Variants in CDIN1 observed in about 807,000 individuals in gnomAD.
CDIN1 encodes CDAN1 interacting nuclease 1, also known as CDAN1-interacting nuclease 1.
A neutral mutation model predicts 45.3 loss-of-function variants in CDIN1; 33 were observed. That is an observed-to-expected ratio of 0.73 (90% confidence interval 0.55 to 0.97). The LOEUF (loss-of-function observed/expected upper bound fraction) is 0.97, where lower values mean the gene tolerates loss of function less well. CDIN1 is among the 50% of genes least tolerant of loss of function. The probability of loss-of-function intolerance (pLI) is 0.00; values close to 1 mark genes in which losing one functional copy is unlikely to be tolerated. For missense variants in CDIN1, 303 were observed against 339.4 expected (o/e 0.89, Z 0.84); for synonymous variants, 118 against 124.4 (o/e 0.95, Z 0.34).
intron 1 of CDIN1, among the ~76,000 whole-genome samples, chr15:36,583,544 T>TC (rs1329877065): frequency 9.2e-5 from 14 of 152,236 alleles, no homozygotes; most frequent in Non-Finnish European, 1.9e-4. Flanking sequence ...CTATTTTCGT[T>TC]TCTACAGTTT....
At chr15:36,800,935 A>G (rs1235453878) in intron 10 of CDIN1, among the ~76,000 whole-genome samples, 1 of 125,676 alleles carries the variant, frequency 8.0e-6, no homozygotes, top group Non-Finnish European at 1.7e-5. Context: ...ATATATATAT[A>G]TATATATATG....
At chr15:36,616,313 G>A (rs1203551831) in intron 1 of CDIN1, among the ~76,000 whole-genome samples, 3 of 147,532 alleles carry the variant, frequency 2.0e-5, no homozygotes, top group Non-Finnish European at 4.5e-5. Context: ...ACAGACTTTC[G>A]CTCTTGTTGC....
chr15:36,586,493 G>C (rs2037307000), intron 1 of CDIN1, among the ~76,000 whole-genome samples: 1 of 152,132 alleles, frequency 6.6e-6, no homozygotes, highest in Non-Finnish European at 1.5e-5. Flanking sequence ...GGTATTTGTA[G>C]AGTTTTTCAC....
At chr15:36,608,521 A>C (rs553770658) in intron 1 of CDIN1, among the ~76,000 whole-genome samples, 1 of 152,132 alleles carries the variant, frequency 6.6e-6, no homozygotes, top group East Asian at 1.9e-4. Context: ...TTGGTTTGTC[A>C]TTTTATTATT....
intron 8 of CDIN1, chr15:36,708,560 T>C (rs1305920096): frequency 6.6e-6 from 1 of 151,694 alleles, no homozygotes; most frequent in Non-Finnish European, 1.5e-5. Flanking sequence ...TAATAGATCA[T>C]TGATATTTAC....
chr15:36,687,190 A>C (rs371034747), intron 5 of CDIN1, among the ~76,000 whole-genome samples: 19 of 152,146 alleles, frequency 1.2e-4, no homozygotes, highest in African/African-American at 4.1e-4. Context: ...AGAAAATAAG[A>C]GAGTAAAAAT....
At chr15:36,614,157 C>T in intron 1 of CDIN1, 1 of 707,314 alleles carries the variant, frequency 1.4e-6, no homozygotes, top group Admixed American at 1.8e-5. Context: ...ATTCTGTACA[C>T]AGAGGTTGCT....
At chr15:36,644,994 G>A (rs1311383166) in intron 2 of CDIN1, among the ~76,000 whole-genome samples, 2 of 152,070 alleles carry the variant, frequency 1.3e-5, no homozygotes, top group East Asian at 1.9e-4. Context: ...CATATATACC[G>A]TACCTTGTGG....
chr15:36,800,971 AAGG>A (rs1156569669), intron 10 of CDIN1, among the ~76,000 whole-genome samples: 1 of 114,316 alleles, frequency 8.7e-6, no homozygotes, highest in Non-Finnish European at 1.8e-5. Flanking sequence ...TGTTTTAGAG[AAGG>A]AGTTTATTTC....
chr15:36,760,515 A>C (rs58025593), intron 10 of CDIN1, among the ~76,000 whole-genome samples: 23,425 of 152,212 alleles, frequency 0.15, 2,099 homozygotes, highest in African/African-American at 0.24. Flanking sequence ...TCCAGTTCTT[A>C]GGAACTTTTA....
At chr15:36,701,434 G>T (rs2042640968) in intron 8 of CDIN1, among the ~76,000 whole-genome samples, 1 of 151,880 alleles carries the variant, frequency 6.6e-6, no homozygotes, top group Admixed American at 6.6e-5. Flanking sequence ...AGCAGCTTTG[G>T]ACAAAAAGAC....
At chr15:36,718,387 A>G (rs1336684136) in intron 10 of CDIN1, among the ~76,000 whole-genome samples, 45 of 152,252 alleles carry the variant, frequency 3.0e-4, no homozygotes, top group Non-Finnish European at 4.4e-5. Context: ...ATTAATTCCT[A>G]TAAAAGCCTG....
chr15:36,802,677 T>TA (rs764941729), intron 10 of CDIN1, among the ~76,000 whole-genome samples: 8 of 151,246 alleles, frequency 5.3e-5, no homozygotes, highest in African/African-American at 1.2e-4. Context: ...TTTTATACTT[T>TA]AAAAAAAAAG....
At chr15:36,772,517 A>G (rs759551250) in intron 10 of CDIN1, among the ~76,000 whole-genome samples, 4 of 152,300 alleles carry the variant, frequency 2.6e-5, no homozygotes, top group Non-Finnish European at 5.9e-5. Context: ...GTCTTGGGTA[A>G]TAGCCCAGCC....
chr15:36,645,494 T>TTGTGTGTGTGTGTG (rs57349735), intron 3 of CDIN1, among the ~76,000 whole-genome samples: 3 of 143,384 alleles, frequency 2.1e-5, no homozygotes, highest in East Asian at 2.1e-4. Context: ...CTGTCTTGAC[T>TTGTGTGTGTGTGTG]TGTGTGTGTG....
intron 10 of CDIN1, among the ~76,000 whole-genome samples, chr15:36,733,849 C>A (rs556294662): frequency 1.3e-5 from 2 of 152,238 alleles, no homozygotes; most frequent in East Asian, 3.9e-4. Flanking sequence ...CAAGAACTGT[C>A]AGCAATAAGA....
At chr15:36,777,224 G>A (rs1481774006) in intron 10 of CDIN1, among the ~76,000 whole-genome samples, 1 of 152,002 alleles carries the variant, frequency 6.6e-6, no homozygotes, top group African/African-American at 2.4e-5. Context: ...TGTTTTCAAC[G>A]TTGTGGCTAA....
At chr15:36,593,246 CT>C (rs1422939497) in intron 1 of CDIN1, among the ~76,000 whole-genome samples, 1 of 152,122 alleles carries the variant, frequency 6.6e-6, no homozygotes. Context: ...AAAACCACCC[CT>C]TTCCAAGTAT....
At chr15:36,611,350 T>C (rs571418885) in intron 1 of CDIN1, among the ~76,000 whole-genome samples, 3 of 152,320 alleles carry the variant, frequency 2.0e-5, no homozygotes, top group African/African-American at 7.2e-5. Flanking sequence ...GAGAGTCCAC[T>C]CTCCAGCACG....
Sources: gnomAD v4.1 joint callset for allele counts (sites outside exome capture counted in the v4.1 genomes callset) on GRCh38, gnomAD v4.1.1 for gene constraint, MANE v1.5 for transcripts, NCBI Gene and HGNC (gene_info 2026-07-23, HGNC 2026-07-21) for gene names.